LRIG3: variants seen among roughly 807,000 people sequenced by gnomAD.
LRIG3 encodes leucine-rich repeats and immunoglobulin-like domains protein 3.
Under a neutral mutation model 114.5 loss-of-function variants are expected in LRIG3, and 76 were observed. The observed-to-expected ratio is 0.66, with a 90% CI of 0.55 to 0.80. The LOEUF (loss-of-function observed/expected upper bound fraction) is 0.80, where lower values mean the gene tolerates loss of function less well. LRIG3 is among the 30% of genes least tolerant of loss of function. LRIG3 has a pLI of 0.00. For synonymous variants in LRIG3, 512 were observed against 519.8 expected (o/e 0.98, Z 0.20); for missense variants, 1,239 against 1,382.8 (o/e 0.90, Z 1.65).
intron 14 of LRIG3, among the ~76,000 whole-genome samples, chr12:58,878,121 A>AG (rs960862933): frequency 3.9e-5 from 6 of 152,060 alleles, no homozygotes; most frequent in Non-Finnish European, 5.9e-5. Flanking sequence ...AGCTGGTAGT[A>AG]GGGGGGGAGA....
At chr12:58,919,338 A>G in intron 1 of LRIG3, 1 of 1,532,808 alleles carries the variant, frequency 6.5e-7, no homozygotes, top group Non-Finnish European at 8.8e-7. Flanking sequence ...AGCTACAGAA[A>G]TCACGCCCTT....
Position 58,874,153 on chromosome 12 carries a change from T to C in LRIG3, c.3017A>G (p.Glu1006Gly), listed in dbSNP as rs1452760414. 1 of 1,614,216 alleles carries C rather than the reference T, an allele frequency of 6.2e-7. No individual in the cohort carries two copies. Among genetic ancestry groups the C allele is most frequent in the East Asian group, 2.2e-5 (1 of 44,888 alleles). The change falls in exon 18 of 19, where the codon GAA becomes GGA. Residue 1006 changes from glutamate to glycine, a missense_variant. By Grantham distance (98) the Glu-to-Gly change is moderately conservative (BLOSUM62 -2). Transcript: ENST00000320743. Reference sequence around the variant, plus strand: ...ACACAGATTTTTCATTCCAGGTCCTTCATTGTGAGAGTAACTAGTGTTAAG... The same window carrying C: ...ACACAGATTTTTCATTCCAGGTCCTCCATTGTGAGAGTAACTAGTGTTAAG... ...KLLNTSYSHN[E>G]GPGMKNLCLN... is the part of the protein sequence containing the mutation.
At chr12:58,906,914 A>G (rs900265667) in intron 3 of LRIG3, among the ~76,000 whole-genome samples, 4 of 151,808 alleles carry the variant, frequency 2.6e-5, no homozygotes, top group Non-Finnish European at 4.4e-5. Flanking sequence ...AGAAAAGTAG[A>G]TTCTTTGCTT....
chr12:58,914,146 T>C, intron 2 of LRIG3, 90 bp from the exon 3 acceptor site: 1 of 1,515,058 alleles, frequency 6.6e-7, no homozygotes, highest in African/African-American at 1.4e-5. Context: ...TATTTCAAGA[T>C]ACCACCCAAG....
At chr12:58,880,479 C>G in intron 13 of LRIG3, 102 bp downstream of exon 13, 1 of 1,147,508 alleles carries the variant, frequency 8.7e-7, no homozygotes. Flanking sequence ...AGGTGGGGAA[C>G]TGTGAGAAGA....
At chr12:58,887,052 C>T (rs1871299951) in intron 8 of LRIG3, 162 bp from the exon 9 acceptor site, 2 of 566,050 alleles carry the variant, frequency 3.5e-6, no homozygotes, top group South Asian at 2.5e-5. Flanking sequence ...TTACCTCTTA[C>T]ACCCTGCCTG....
rs1470513981 is a variant in LRIG3 at position 58,880,773 on chromosome 12, C to CT, written c.1608dup (p.Asp537ArgfsTer3). The CT allele has an allele frequency of 3.1e-6, 5 of 1,614,058 alleles. No individual in the cohort carries two copies. Among genetic ancestry groups the CT allele is most frequent in the East Asian group, 2.2e-5 (1 of 44,884 alleles). On this transcript the variant is annotated frameshift_variant, in exon 13 of 19. Coordinates refer to ENST00000320743, the MANE Select transcript of LRIG3 (RefSeq NM_153377.5). LOFTEE classifies it high-confidence loss of function. The stretch of plus-strand genomic sequence containing the variant: ...TCAGCATCATGCAGTAGTTCATTGT[C>CT]TTTTTTCCAAGCAAAAGTCATTGGG...
intron 9 of LRIG3, 149 bp from the exon 10 acceptor site, chr12:58,886,051 T>C: frequency 2.8e-6 from 1 of 351,206 alleles, no homozygotes; most frequent in African/African-American, 2.1e-5. Flanking sequence ...GTCCATGCCA[T>C]CTATTTCAAT....
intron 3 of LRIG3, among the ~76,000 whole-genome samples, chr12:58,893,586 T>C (rs764983604): frequency 6.6e-6 from 1 of 152,126 alleles, no homozygotes; most frequent in Non-Finnish European, 1.5e-5. Context: ...AGGTATAGGG[T>C]AATGCAAGTG....
At chr12:58,898,772 C>A (rs937063991) in intron 3 of LRIG3, among the ~76,000 whole-genome samples, 7 of 152,164 alleles carry the variant, frequency 4.6e-5, no homozygotes, top group Admixed American at 3.9e-4. Flanking sequence ...AATTCTCCAG[C>A]CTCAGCCTCC....
At position 58,885,876 on chromosome 12, in the gene LRIG3, G is replaced by A. The variant is rs771634910; in HGVS notation, c.1199C>T (p.Ser400Phe). The change falls in exon 10 of 19, where the codon TCT becomes TTT. Residue 400 changes from serine to phenylalanine, a missense_variant. Physicochemically the swap from Ser to Phe is radical, Grantham distance 155 (BLOSUM62 -2). Transcript: ENST00000320743. ...ACCAGTGAAGGCTTTTTTAGTAATA[G>A]AACGGATCCGATTTCCTTGGAGTAT... ...RLILQGNRIR[S>F]ITKKAFTGLD... is the part of the protein sequence containing the mutation. 1 of 1,588,966 alleles carries A rather than the reference G, an allele frequency of 6.3e-7. No individual in the cohort carries two copies. The highest frequency in any genetic ancestry group is 8.6e-7 in the Non-Finnish European group (1 of 1,164,262).
Position 58,898,789 on chromosome 12 carries a change from G to T in LRIG3, c.384-7993C>A, listed in dbSNP as rs192366435. Among the ~76,000 whole-genome samples, 4 of 152,248 alleles carry T rather than the reference G, an allele frequency of 2.6e-5. No homozygotes were observed. In the East Asian group the frequency reaches 7.7e-4, roughly 29 times the overall value. On this transcript the variant is annotated intron_variant, in intron 3 of 18. Transcript: ENST00000320743. ...TTCTCCAGCCTCAGCCTCCCGAGTA[G>T]CTGGGATTACAGGCACATGCCACCA...
At chr12:58,876,143 A>G (rs1870908782) in intron 16 of LRIG3, among the ~76,000 whole-genome samples, 1 of 152,250 alleles carries the variant, frequency 6.6e-6, no homozygotes, top group Non-Finnish European at 1.5e-5. Flanking sequence ...TAACCAGTTA[A>G]TATCATTTAA....
rs924553897 is a variant in LRIG3 at position 58,883,459 on chromosome 12, C to A, written c.1316+61G>T. On this transcript the variant is annotated intron_variant, in intron 11 of 18. Coordinates refer to ENST00000320743, the MANE Select transcript of LRIG3 (RefSeq NM_153377.5). ...TATAGATACATAATCCAGGATGCCACACCATATGACAGTTTTCCCCTCTAT... is the reference window on the plus strand; with the variant it reads ...TATAGATACATAATCCAGGATGCCAAACCATATGACAGTTTTCCCCTCTAT... 1.1e-5 allele frequency: 14 copies of A among 1,219,406 alleles called. No individual in the cohort carries two copies. The African/African-American group carries it at 2.1e-4, about 18-fold the overall frequency. The allele number at this position is 1,219,406 out of a possible 1,614,324, so 75.5% of individuals were successfully genotyped here.
At position 58,880,701 on chromosome 12, in the gene LRIG3, C is replaced by A. The variant is rs1312399565; in HGVS notation, c.1681G>T (p.Glu561Ter). Residue 561 changes from glutamate (E) to a stop codon, truncating the protein, a stop_gained, in exon 13 of 19, where the codon GAG becomes TAG. Coordinates refer to ENST00000320743, the MANE Select transcript of LRIG3 (RefSeq NM_153377.5). LOFTEE classifies it high-confidence loss of function. The stretch of plus-strand genomic sequence containing the variant: ...CGCAGCCGAAGGATGGTGGTATACT[C>A]CATCACCTCGCCACCTTGGGCCCGG... ...HLRAQGGEVM[E>*]YTTILRLREV... 1 of 1,614,232 alleles carries A rather than the reference C, an allele frequency of 6.2e-7. No individual in the cohort carries two copies. The highest frequency in any genetic ancestry group is 8.5e-7 in the Non-Finnish European group (1 of 1,180,050).
At position 58,874,270 on chromosome 12, in the gene LRIG3, T is replaced by C. The variant is rs373257232; in HGVS notation, c.2900A>G (p.Lys967Arg). 2 of 1,614,000 alleles carry C rather than the reference T, an allele frequency of 1.2e-6. No individual in the cohort carries two copies. The highest frequency in any genetic ancestry group is 2.7e-5 in the African/African-American group (2 of 74,938). The change falls in exon 18 of 19, where the codon AAA (lysine) becomes AGA (arginine). Residue 967 changes from lysine (K) to arginine (R), a missense_variant. Transcript: ENST00000320743. ...MDHYEPSYIK[K>R]KECYPCSHPS... ...ATGAGAACATGGGTAGCACTCCTTT[T>C]TCTTTATGTAACTGGGCTCATAGTG...
chr12:58,912,194 G>A (rs1029599998), intron 3 of LRIG3, among the ~76,000 whole-genome samples: 10 of 152,134 alleles, frequency 6.6e-5, no homozygotes, highest in Admixed American at 1.3e-4. Flanking sequence ...AAGTTATAAC[G>A]TTAAAGTGTA....
At chr12:58,875,110 G>A (rs377282595) in intron 16 of LRIG3, among the ~76,000 whole-genome samples, 1 of 152,328 alleles carries the variant, frequency 6.6e-6, no homozygotes, top group African/African-American at 2.4e-5. Flanking sequence ...AGCAAGAGGT[G>A]GTGGGCTGAG....
chr12:58,915,728 G>A (rs543736422), intron 1 of LRIG3, among the ~76,000 whole-genome samples: 17 of 152,192 alleles, frequency 1.1e-4, no homozygotes, highest in African/African-American at 4.1e-4. Flanking sequence ...TCACCACGCT[G>A]GCTGGAGCCA....
Sources: allele counts gnomAD v4.1 joint callset (sites outside exome capture counted in the v4.1 genomes callset), GRCh38; gene constraint gnomAD v4.1.1; transcripts MANE v1.5; gene names NCBI Gene and HGNC (gene_info 2026-07-23, HGNC 2026-07-21).